Variants in SFMBT1 observed in about 807,000 individuals in gnomAD.
The protein encoded by SFMBT1 is Scm like with four mbt domains 1.
In SFMBT1, 32 loss-of-function variants were observed where a neutral mutation model predicts 108.7. That is an observed-to-expected ratio of 0.29 (90% CI 0.22 to 0.40). The LOEUF (loss-of-function observed/expected upper bound fraction) is 0.40, where lower values mean the gene tolerates loss of function less well. Ranked by LOEUF, SFMBT1 falls within the 10% of genes least tolerant of loss-of-function variation. The probability of loss-of-function intolerance (pLI) is 1.00; values close to 1 mark genes in which losing one functional copy is unlikely to be tolerated. For synonymous variants in SFMBT1, 348 were observed against 369.5 expected (o/e 0.94, Z 0.67); for missense variants, 816 against 1,059.6 (o/e 0.77, Z 3.19).
At position 52,998,445 on chromosome 3, in the gene SFMBT1, G is replaced by A. The variant is rs766401881; in HGVS notation, c.-130-29187C>T. 9.3e-5 allele frequency among the ~76,000 whole-genome samples: 14 copies of A among 150,214 alleles called. 1 individual carries two copies. The highest frequency in any genetic ancestry group is 1.9e-4 in the Non-Finnish European group (13 of 67,008). On this transcript the variant is annotated intron_variant, in intron 1 of 20. Transcript: ENST00000394752. ...AGATCAATAATATTATTTTGCTGAC[G>A]CATTGGAGAAAGTAAAGGCTGGGTG...
At chr3:52,928,130 G>A (rs910018164) in intron 9 of SFMBT1, 61 bp downstream of exon 9, 29 of 1,574,348 alleles carry the variant, frequency 1.8e-5, no homozygotes, top group Non-Finnish European at 2.4e-5. Context: ...AATGCCATCT[G>A]ACATGTCTCA....
At chr3:52,936,575 T>A (rs1315964491) in intron 4 of SFMBT1, among the ~76,000 whole-genome samples, 2 of 152,172 alleles carry the variant, frequency 1.3e-5, no homozygotes, top group African/African-American at 4.8e-5. Flanking sequence ...CACTGATAAC[T>A]TTTTTGCTTT....
chr3:52,992,551 G>A (rs1008358710), intron 1 of SFMBT1, among the ~76,000 whole-genome samples: 2 of 152,140 alleles, frequency 1.3e-5, no homozygotes, highest in African/African-American at 2.4e-5. Context: ...AACAGGTCAT[G>A]GGTAAATCTG....
chr3:52,920,438 AT>A, intron 12 of SFMBT1, 98 bp downstream of exon 12: 34 of 835,806 alleles, frequency 4.1e-5, no homozygotes, highest in Middle Eastern at 2.2e-4. Context: ...CCAGAATGTC[AT>A]TTTTTTTCTC....
At position 52,930,401 on chromosome 3, in the gene SFMBT1, G is replaced by C. The variant is rs1183041108; in HGVS notation, c.825C>G (p.Phe275Leu). The change falls in exon 8 of 21, where the codon TTC becomes TTG. Residue 275 changes from phenylalanine (F) to leucine (L), a missense_variant. Coordinates refer to ENST00000394752, the MANE Select transcript of SFMBT1 (RefSeq NM_016329.4). ...KDKQVIGIHT[F>L]SVNMKLEAVD... ...CAGCTTCCAATTTCATGTTTACAGA[G>C]AATGTATGAATGCCAATAACTTGTT... 2 of 1,612,596 alleles carry C rather than the reference G, an allele frequency of 1.2e-6. No individual in the cohort carries two copies. The highest frequency in any genetic ancestry group is 1.7e-6 in the Non-Finnish European group (2 of 1,178,568).
intron 4 of SFMBT1, among the ~76,000 whole-genome samples, chr3:52,939,860 G>C (rs1245536204): frequency 6.6e-6 from 1 of 151,186 alleles, no homozygotes; most frequent in Non-Finnish European, 1.5e-5. Flanking sequence ...TTTATTTCCA[G>C]TTCTTGCCTA....
chr3:52,912,307 A>G (rs1296562098), intron 16 of SFMBT1, among the ~76,000 whole-genome samples: 2 of 151,984 alleles, frequency 1.3e-5, no homozygotes, highest in Admixed American at 1.3e-4. Context: ...CAGCCTCCCA[A>G]GTAGCTGGGA....
At position 52,949,338 on chromosome 3, in the gene SFMBT1, T is replaced by C. The variant is rs137987315; in HGVS notation, c.123+4979A>G. The stretch of plus-strand genomic sequence containing the variant: ...CATTATATCCAGTTGATTGATGGTA[T>C]TGCAGAGCTCAACAATGTCCTTACT... On this transcript the variant is annotated intron_variant, in intron 3 of 20. Transcript: ENST00000394752. Among the ~76,000 whole-genome samples the C allele has an allele frequency of 1.6e-3, 238 of 152,290 alleles. 1 individual carries two copies. The highest frequency in any genetic ancestry group is 5.4e-3 in the African/African-American group (226 of 41,558).
At chr3:52,995,003 C>A (rs1450151356) in intron 1 of SFMBT1, among the ~76,000 whole-genome samples, 2 of 120,750 alleles carry the variant, frequency 1.7e-5, no homozygotes, top group African/African-American at 3.0e-5. Context: ...ACTGTAGCAT[C>A]AAGAAAGAAA....
intron 1 of SFMBT1, among the ~76,000 whole-genome samples, chr3:53,043,656 G>A (rs1700124085): frequency 6.6e-6 from 1 of 152,146 alleles, no homozygotes; most frequent in African/African-American, 2.4e-5. Flanking sequence ...ACCATTGTCT[G>A]TGAACATAAG....
At chr3:53,007,027 C>T (rs1698769400) in intron 1 of SFMBT1, among the ~76,000 whole-genome samples, 1 of 152,264 alleles carries the variant, frequency 6.6e-6, no homozygotes, top group South Asian at 2.1e-4. Context: ...GCCCTGGCTG[C>T]CTCATGAAGA....
intron 2 of SFMBT1, among the ~76,000 whole-genome samples, chr3:52,966,897 A>G (rs924909341): frequency 2.2e-5 from 3 of 138,886 alleles, no homozygotes; most frequent in African/African-American, 8.1e-5. Context: ...AAGAGAAGTA[A>G]AAGTAGGTAA....
At chr3:52,912,870 C>A (rs373948524) in intron 15 of SFMBT1, among the ~76,000 whole-genome samples, 1 of 152,116 alleles carries the variant, frequency 6.6e-6, no homozygotes, top group Admixed American at 6.5e-5. Flanking sequence ...TTAAATGTTA[C>A]GGTCAGGAAA....
At chr3:52,998,948 T>C (rs1698439366) in intron 1 of SFMBT1, among the ~76,000 whole-genome samples, 1 of 150,912 alleles carries the variant, frequency 6.6e-6, no homozygotes, top group East Asian at 1.9e-4. Flanking sequence ...CCGACCACCA[T>C]GGAGGGAGCA....
At chr3:52,913,362 T>A (rs754450070) in intron 15 of SFMBT1, 116 bp downstream of exon 15, 173 of 1,304,192 alleles carry the variant, frequency 1.3e-4, no homozygotes, top group Non-Finnish European at 1.6e-4. Flanking sequence ...GAAAAGTTAG[T>A]AACTTTTGAT....
At chr3:52,946,954 T>C (rs1015706456) in intron 3 of SFMBT1, among the ~76,000 whole-genome samples, 1 of 151,818 alleles carries the variant, frequency 6.6e-6, no homozygotes, top group African/African-American at 2.4e-5. Flanking sequence ...GTATTTTTTG[T>C]AGCAACAAGG....
chr3:52,978,765 A>G (rs961107231), intron 1 of SFMBT1, among the ~76,000 whole-genome samples: 3 of 152,266 alleles, frequency 2.0e-5, no homozygotes, highest in Non-Finnish European at 2.9e-5. Flanking sequence ...ATATAATGGA[A>G]TATTATTCAG....
In SFMBT1 at chr3:53,028,837, T is replaced by G. The variant is rs529172969; in HGVS notation, c.-131+16979A>C. Among the ~76,000 whole-genome samples, 71 of 152,294 alleles carry G rather than the reference T, an allele frequency of 4.7e-4. 2 individuals carry two copies. The South Asian group carries it at 0.014, about 31-fold the overall frequency. On this transcript the variant is annotated intron_variant, in intron 1 of 20. Transcript: ENST00000394752. The stretch of plus-strand genomic sequence containing the variant: ...TACTCTCAGAGGGGACCTGCCTGCC[T>G]GTCACTGGCTTGGTGTGAACACTCT...
At chr3:52,914,779 T>C (rs1321744527) in intron 14 of SFMBT1, among the ~76,000 whole-genome samples, 2 of 152,108 alleles carry the variant, frequency 1.3e-5, no homozygotes, top group Non-Finnish European at 2.9e-5. Flanking sequence ...TGGTCTATCA[T>C]AGTGGCCAGT....
Sources: gnomAD v4.1 joint callset for allele counts (sites outside exome capture counted in the v4.1 genomes callset) on GRCh38, gnomAD v4.1.1 for gene constraint, MANE v1.5 for transcripts, NCBI Gene and HGNC (gene_info 2026-07-23, HGNC 2026-07-21) for gene names.